The following OR10T2 variants were observed in gnomAD, a reference collection of about 807,000 sequenced individuals.
The protein encoded by OR10T2 is olfactory receptor 10T2.
For missense variants in OR10T2, 416 were observed against 372.3 expected (o/e 1.12, Z -0.97); for synonymous variants, 162 against 144.1 (o/e 1.12, Z -0.89).
Position 158,398,626 on chromosome 1 carries a change from C to G in OR10T2, c.841G>C (p.Val281Leu). The change falls in exon 1 of 1, where the codon GTT becomes CTT. Residue 281 changes from valine (V) to leucine (L), a missense_variant. Val to Leu is a conservative substitution (Grantham distance 32, BLOSUM62 1). Transcript: ENST00000334438. ...DQLVAVTYTVVTPLLNPLVYS... is the reference protein window; with the variant it reads ...DQLVAVTYTVLTPLLNPLVYS... ...ACAAGAGGATTAAGTAAGGGAGTAA[C>G]CACTGTGTAGGTCACTGCCACCAAC... The G allele has an allele frequency of 6.2e-7, 1 of 1,613,958 alleles. No individual in the cohort carries two copies. The highest frequency in any genetic ancestry group is 8.5e-7 in the Non-Finnish European group (1 of 1,179,914).
chr1:158,398,859 A>G lies in OR10T2; in HGVS notation c.608T>C (p.Leu203Pro). The change falls in exon 1 of 1, where the codon CTC becomes CCC. Residue 203 changes from leucine (L) to proline (P), a missense_variant. Coordinates refer to ENST00000334438, the MANE Select transcript of OR10T2 (RefSeq NM_001004475.1). ...THVKELALFS[L>P]SILVIMVPFL... is the part of the protein sequence containing the mutation. ...AGGCACCATAATTACCAGGATGCTG[A>G]GGCTAAATAAAGCCAGCTCTTTCAC... 1 of 1,614,178 alleles carries G rather than the reference A, an allele frequency of 6.2e-7. No individual in the cohort carries two copies. The highest frequency in any genetic ancestry group is 8.5e-7 in the Non-Finnish European group (1 of 1,180,016).
chr1:158,399,355 T>C lies in OR10T2; in HGVS notation c.112A>G (p.Thr38Ala). ...ATGGTCACATTGGCCACCAGGATTG[T>C]CAAGTATAGGAGAAGAAAGATGACA... is the stretch of plus-strand genomic sequence containing the variant. The part of the protein sequence containing the change: ...LFVIFLLLYL[T>A]ILVANVTIMA... The change falls in exon 1 of 1, where the codon ACA becomes GCA. Residue 38 changes from threonine (T) to alanine (A), a missense_variant. Transcript: ENST00000334438. The C allele has an allele frequency of 6.2e-7, 1 of 1,613,982 alleles. No individual in the cohort carries two copies. Among genetic ancestry groups the C allele is most frequent in the Non-Finnish European group, 8.5e-7 (1 of 1,179,972 alleles).
chr1:158,398,579 C>G lies in OR10T2; in HGVS notation c.888G>C (p.Glu296Asp), dbSNP rs149554379. ...GAACTCTTTTCAATGCAGTTTTTAC[C>G]TCTTTGTTCCTCAGACTGTAGACAA... ...NPLVYSLRNK[E>D]VKTALKRVLG... The change falls in exon 1 of 1, where the codon GAG becomes GAC. Residue 296 changes from glutamate (E) to aspartate (D), a missense_variant. Transcript: ENST00000334438. 1.6e-5 allele frequency: 26 copies of G among 1,612,788 alleles called. No individual in the cohort carries two copies. Among genetic ancestry groups the G allele is most frequent in the Non-Finnish European group, 2.0e-5 (24 of 1,179,480 alleles).
At position 158,399,120 on chromosome 1, in the gene OR10T2, A is replaced by G; in HGVS notation, c.347T>C (p.Ile116Thr). Residue 116 changes from isoleucine (I) to threonine (T), a missense_variant, in exon 1 of 1, where the codon ATT becomes ACT. By Grantham distance (89) the Ile-to-Thr change is moderately conservative. Coordinates refer to ENST00000334438, the MANE Select transcript of OR10T2 (RefSeq NM_001004475.1). ...LGFACTNCLL[I>T]AVMGYDRYVA... ...ATAGCGATCATATCCCATCACAGCA[A>G]TGAGGAGGCAGTTGGTGCAAGCAAA... 6.2e-7 allele frequency: 1 copy of G among 1,614,172 alleles called. No homozygotes were observed. The highest frequency in any genetic ancestry group is 8.5e-7 in the Non-Finnish European group (1 of 1,180,018).
rs143365830 is a variant in OR10T2, at chr1:158,399,270, A to G, written c.197T>C (p.Ile66Thr). ...GTAGCAGGACTCAGAAAATGAAAGG[A>G]TGAATAGAAAGCCATACATGGGAGT... ...LHTPMYGFLF[I>T]LSFSESCYTF... The change falls in exon 1 of 1, where the codon ATC becomes ACC. Residue 66 changes from isoleucine to threonine, a missense_variant. Coordinates refer to ENST00000334438, the MANE Select transcript of OR10T2 (RefSeq NM_001004475.1). 8.6e-5 allele frequency: 139 copies of G among 1,614,132 alleles called. 1 individual carries two copies. In the African/African-American group the frequency reaches 1.5e-3, roughly 18 times the overall value.
rs1318481733 is a variant in OR10T2 at position 158,398,712 on chromosome 1, T to C, written c.755A>G (p.Tyr252Cys). 5.0e-6 allele frequency: 8 copies of C among 1,614,152 alleles called. No individual in the cohort carries two copies. Among genetic ancestry groups the C allele is most frequent in the East Asian group, 4.5e-5 (2 of 44,874 alleles). ...CAGATAGATGATAGAGGCACAGCCA[T>C]AGTGGACAAAGACCACAGTGAGATG... ...ASHLTVVFVH[Y>C]GCASIIYLRP... The change falls in exon 1 of 1, where the codon TAT becomes TGT. Residue 252 changes from tyrosine to cysteine, a missense_variant. Coordinates refer to ENST00000334438, the MANE Select transcript of OR10T2 (RefSeq NM_001004475.1).
rs756049480 is a variant in OR10T2 at position 158,399,300 on chromosome 1, A to C, written c.167T>G (p.Leu56Arg). The C allele has an allele frequency of 5.0e-6, 8 of 1,614,132 alleles. No homozygotes were observed. In the South Asian group the frequency reaches 8.8e-5, roughly 18 times the overall value. The change falls in exon 1 of 1, where the codon CTC becomes CGC. Residue 56 changes from leucine to arginine, a missense_variant. Coordinates refer to ENST00000334438, the MANE Select transcript of OR10T2 (RefSeq NM_001004475.1). ...IMAVIRFSWT[L>R]HTPMYGFLFI... ...TAGAAAGCCATACATGGGAGTGTGG[A>C]GAGTCCAGCTGAAGCGAATAACGGC... is the stretch of plus-strand genomic sequence containing the variant.
chr1:158,399,125 G>T lies in OR10T2; in HGVS notation c.342C>A (p.Leu114=), dbSNP rs56704148. ...GATCATATCCCATCACAGCAATGAG[G>T]AGGCAGTTGGTGCAAGCAAAGCCAA... ...FFLGFACTNC[L]LIAVMGYDRY... Residue 114 remains leucine, a synonymous_variant, in exon 1 of 1, where the codon CTC becomes CTA. Coordinates refer to ENST00000334438, the MANE Select transcript of OR10T2 (RefSeq NM_001004475.1). 2,661 of 1,614,180 alleles carry T rather than the reference G, an allele frequency of 1.6e-3. 34 individuals carry two copies. The African/African-American group carries it at 0.031, about 19-fold the overall frequency.
chr1:158,398,879 T>C lies in OR10T2; in HGVS notation c.588A>G (p.Lys196=). 1 of 1,614,154 alleles carries C rather than the reference T, an allele frequency of 6.2e-7. No individual in the cohort carries two copies. Among genetic ancestry groups the C allele is most frequent in the Non-Finnish European group, 8.5e-7 (1 of 1,180,028 alleles). ...TGCTGAGGCTAAATAAAGCCAGCTC[T>C]TTCACATGGGTGTCAGTGCAGGCTA... ...IKLACTDTHV[K]ELALFSLSIL... The change falls in exon 1 of 1, where the codon AAA becomes AAG. Residue 196 remains lysine (K), a synonymous_variant. Coordinates refer to ENST00000334438, the MANE Select transcript of OR10T2 (RefSeq NM_001004475.1).
chr1:158,399,412 A>G lies in OR10T2; in HGVS notation c.55T>C (p.Ser19Pro), dbSNP rs147666373. 1.2e-6 allele frequency: 2 copies of G among 1,613,980 alleles called. No homozygotes were observed. The highest frequency in any genetic ancestry group is 1.7e-6 in the Non-Finnish European group (2 of 1,180,010). Residue 19 changes from serine to proline, a missense_variant, in exon 1 of 1, where the codon TCC (serine) becomes CCC (proline). Coordinates refer to ENST00000334438, the MANE Select transcript of OR10T2 (RefSeq NM_001004475.1). ...AGCAGCTGGAGCTCCCCCAGGCTGG[A>G]GAAACCCACCAGGATGAACTGTGTA... is the stretch of plus-strand genomic sequence containing the variant. ...VVTQFILVGF[S>P]SLGELQLLLF...
rs1350036334 is a variant in OR10T2, at chr1:158,399,407, G to C, written c.60C>G (p.Ser20Arg). 6 of 1,614,076 alleles carry C rather than the reference G, an allele frequency of 3.7e-6. No individual in the cohort carries two copies. Among genetic ancestry groups the C allele is most frequent in the East Asian group, 4.5e-5 (2 of 44,868 alleles). The change falls in exon 1 of 1, where the codon AGC becomes AGG. Residue 20 changes from serine to arginine, a missense_variant. Physicochemically the swap from Ser to Arg is moderately radical, Grantham distance 110. Transcript: ENST00000334438. ...AAAGCAGCAGCTGGAGCTCCCCCAG[G>C]CTGGAGAAACCCACCAGGATGAACT... ...VTQFILVGFS[S>R]LGELQLLLFV...
Position 158,398,537 on chromosome 1 carries a change from T to C in OR10T2, c.930A>G (p.Ala310=). 1 of 1,587,536 alleles carries C rather than the reference T, an allele frequency of 6.3e-7. No homozygotes were observed. The highest frequency in any genetic ancestry group is 8.6e-7 in the Non-Finnish European group (1 of 1,164,196). Residue 310 remains alanine, a synonymous_variant, in exon 1 of 1, where the codon GCA becomes GCG. Transcript: ENST00000334438. ...TTATTTTTTGTTAGCTCATCTTGGT[T>C]GCCACAGGCATTCCAAGAACTCTTT... ...ALKRVLGMPV[A]TKMS is the part of the protein sequence containing the mutation.
rs762460386 is a variant in OR10T2 at position 158,398,780 on chromosome 1, G to T, written c.687C>A (p.Ile229=). The T allele has an allele frequency of 2.5e-6, 4 of 1,614,048 alleles. No individual in the cohort carries two copies. The highest frequency in any genetic ancestry group is 2.2e-5 in the South Asian group (2 of 91,060). Residue 229 remains isoleucine, a synonymous_variant, in exon 1 of 1, where the codon ATC becomes ATA. Coordinates refer to ENST00000334438, the MANE Select transcript of OR10T2 (RefSeq NM_001004475.1). The stretch of plus-strand genomic sequence containing the variant: ...AGGCCTTCTTGCCCTCAGCTGAGGG[G>T]ATCTTCAGGATGGTGTTAACTATGA... ...YGFIVNTILK[I]PSAEGKKAFV...
Position 158,398,924 on chromosome 1 carries a change from G to A in OR10T2, c.543C>T (p.Asp181=). Residue 181 remains aspartate (D), a synonymous_variant, in exon 1 of 1, where the codon GAC becomes GAT. Coordinates refer to ENST00000334438, the MANE Select transcript of OR10T2 (RefSeq NM_001004475.1). The part of the protein sequence containing the change: ...GPNRVNHYFC[D]MAPVIKLACT... Reference sequence around the variant, plus strand: ...AGGCTAACTTGATAACAGGTGCCATGTCACAGAAATAGTGGTTAACCCTGT... The same window carrying A: ...AGGCTAACTTGATAACAGGTGCCATATCACAGAAATAGTGGTTAACCCTGT... The A allele has an allele frequency of 6.2e-7, 1 of 1,613,960 alleles. No homozygotes were observed. Among genetic ancestry groups the A allele is most frequent in the Non-Finnish European group, 8.5e-7 (1 of 1,179,962 alleles).
rs765723477 is a variant in OR10T2 at position 158,399,206 on chromosome 1, G to A, written c.261C>T (p.Leu87=). Residue 87 remains leucine, a synonymous_variant, in exon 1 of 1, where the codon CTC becomes CTT. Transcript: ENST00000334438. The stretch of plus-strand genomic sequence containing the variant: ...TGAAGGAGATGGTCTTGGTGTCTGA[G>A]AGCAGGTGGACCAGCAGCTGAGGGA... The part of the protein sequence containing the change: ...VIIPQLLVHL[L]SDTKTISFMA... The A allele has an allele frequency of 1.2e-6, 2 of 1,614,182 alleles. No homozygotes were observed. The highest frequency in any genetic ancestry group is 3.3e-5 in the Admixed American group (2 of 60,030).
chr1:158,398,802 A>G lies in OR10T2; in HGVS notation c.665T>C (p.Ile222Thr). 1 of 1,614,154 alleles carries G rather than the reference A, an allele frequency of 6.2e-7. No homozygotes were observed. Among genetic ancestry groups the G allele is most frequent in the Non-Finnish European group, 8.5e-7 (1 of 1,180,016 alleles). Residue 222 changes from isoleucine (I) to threonine (T), a missense_variant, in exon 1 of 1, where the codon ATA becomes ACA. Ile to Thr is a moderately conservative substitution (Grantham distance 89, BLOSUM62 -1). Transcript: ENST00000334438. The stretch of plus-strand genomic sequence containing the variant: ...GGGGATCTTCAGGATGGTGTTAACT[A>G]TGAAGCCATAGGATATGAGAATTAA... ...FLLILISYGFIVNTILKIPSA... is the reference protein window; with the variant it reads ...FLLILISYGFTVNTILKIPSA...
rs894340039 is a variant in OR10T2, at chr1:158,398,576, T to C, written c.891A>G (p.Val297=). Residue 297 remains valine, a synonymous_variant, in exon 1 of 1, where the codon GTA becomes GTG. Coordinates refer to ENST00000334438, the MANE Select transcript of OR10T2 (RefSeq NM_001004475.1). ...CAAGAACTCTTTTCAATGCAGTTTT[T>C]ACCTCTTTGTTCCTCAGACTGTAGA... ...PLVYSLRNKE[V]KTALKRVLGM... The C allele has an allele frequency of 6.2e-7, 1 of 1,613,252 alleles. No homozygotes were observed. Among genetic ancestry groups the C allele is most frequent in the Non-Finnish European group, 8.5e-7 (1 of 1,179,666 alleles).
Position 158,399,132 on chromosome 1 carries a change from T to C in OR10T2, c.335A>G (p.Asn112Ser), listed in dbSNP as rs765028881. 3 of 1,613,924 alleles carry C rather than the reference T, an allele frequency of 1.9e-6. No homozygotes were observed. Among genetic ancestry groups the C allele is most frequent in the African/African-American group, 1.3e-5 (1 of 74,876 alleles). Residue 112 changes from asparagine (N) to serine (S), a missense_variant, in exon 1 of 1, where the codon AAC becomes AGC. Coordinates refer to ENST00000334438, the MANE Select transcript of OR10T2 (RefSeq NM_001004475.1). ...LFFFLGFACTNCLLIAVMGYD... is the reference protein window; with the variant it reads ...LFFFLGFACTSCLLIAVMGYD... ...TCCCATCACAGCAATGAGGAGGCAG[T>C]TGGTGCAAGCAAAGCCAAGGAAAAA...
At position 158,398,638 on chromosome 1, in the gene OR10T2, T is replaced by C; in HGVS notation, c.829A>G (p.Thr277Ala). ...ASDKDQLVAV[T>A]YTVVTPLLNP... ...AGTAAGGGAGTAACCACTGTGTAGG[T>C]CACTGCCACCAACTGATCCTTGTCT... Residue 277 changes from threonine to alanine, a missense_variant, in exon 1 of 1, where the codon ACC (threonine) becomes GCC (alanine). Transcript: ENST00000334438. 1.9e-6 allele frequency: 3 copies of C among 1,614,090 alleles called. No homozygotes were observed. The highest frequency in any genetic ancestry group is 2.5e-6 in the Non-Finnish European group (3 of 1,179,980).
Sources: gnomAD v4.1 joint callset for allele counts on GRCh38, gnomAD v4.1.1 for gene constraint, MANE v1.5 for transcripts, NCBI Gene and HGNC (gene_info 2026-07-23, HGNC 2026-07-21) for gene names.